KCNC2: variants seen among roughly 807,000 people sequenced by gnomAD.
KCNC2 encodes the protein voltage-gated potassium channel KCNC2.
A neutral mutation model predicts 44.5 loss-of-function variants in KCNC2; 21 were observed. The observed-to-expected ratio is 0.47, with a 90% CI of 0.33 to 0.68. The LOEUF (loss-of-function observed/expected upper bound fraction) is 0.68, where lower values mean the gene tolerates loss of function less well. Ranked by LOEUF, KCNC2 falls within the 30% of genes least tolerant of loss-of-function variation. KCNC2 has a pLI of 0.01. For missense variants in KCNC2, 589 were observed against 826.2 expected (o/e 0.71, Z 3.52); for synonymous variants, 391 against 339.1 (o/e 1.15, Z -1.68).
At chr12:75,201,836 G>A (rs2031305385) in intron 2 of KCNC2, among the ~76,000 whole-genome samples, 1 of 151,778 alleles carries the variant, frequency 6.6e-6, no homozygotes, top group Non-Finnish European at 1.5e-5. Flanking sequence ...TAAGTTTATG[G>A]AATATATTGA....
intron 2 of KCNC2, among the ~76,000 whole-genome samples, chr12:75,055,731 CTT>C (rs1204091623): frequency 2.0e-5 from 3 of 152,012 alleles, no homozygotes; most frequent in Non-Finnish European, 4.4e-5. Context: ...GGCCAGGACT[CTT>C]ATTTTTTTCC....
chr12:75,124,600 T>G (rs1228936295), intron 2 of KCNC2, among the ~76,000 whole-genome samples: 3 of 152,156 alleles, frequency 2.0e-5, no homozygotes, highest in African/African-American at 7.2e-5. Context: ...AAAGAAGGAT[T>G]AAGATATAAA....
At position 75,104,525 on chromosome 12, in the gene KCNC2, A is replaced by G. The variant is rs1000863976; in HGVS notation, c.688-53208T>C. 3.3e-5 allele frequency among the ~76,000 whole-genome samples: 5 copies of G among 152,088 alleles called. No homozygotes were observed. The South Asian group carries it at 6.2e-4, about 19-fold the overall frequency. ...TTCCTCCCAAAACAGTACCCAAGAG[A>G]AACAATATTAATGAGTATATTCAAA... On this transcript the variant is annotated intron_variant, in intron 2 of 4. Coordinates refer to ENST00000549446, the MANE Select transcript of KCNC2 (RefSeq NM_139137.4).
At chr12:75,084,473 A>G (rs546741493) in intron 2 of KCNC2, among the ~76,000 whole-genome samples, 2 of 151,986 alleles carry the variant, frequency 1.3e-5, no homozygotes, top group African/African-American at 2.4e-5. Flanking sequence ...TTCTGGTGCT[A>G]TTCTCGTGAT....
intron 2 of KCNC2, among the ~76,000 whole-genome samples, chr12:75,187,595 G>T (rs1469589031): frequency 6.6e-6 from 1 of 152,134 alleles, no homozygotes; most frequent in Non-Finnish European, 1.5e-5. Flanking sequence ...TATAGCGAAG[G>T]CCAAAGAGAG....
At chr12:75,085,549 G>A (rs1884928576) in intron 2 of KCNC2, among the ~76,000 whole-genome samples, 1 of 152,040 alleles carries the variant, frequency 6.6e-6, no homozygotes, top group Non-Finnish European at 1.5e-5. Flanking sequence ...TTAGGAAGCG[G>A]CAGAACCATG....
intron 2 of KCNC2, among the ~76,000 whole-genome samples, chr12:75,121,092 C>A (rs557204793): frequency 6.6e-6 from 1 of 152,160 alleles, no homozygotes; most frequent in African/African-American, 2.4e-5. Flanking sequence ...CCATTCCTAA[C>A]CCTTACAATG....
chr12:75,101,853 A>G lies in KCNC2; in HGVS notation c.688-50536T>C, dbSNP rs200393522. Among the ~76,000 whole-genome samples, 7 of 152,264 alleles carry G rather than the reference A, an allele frequency of 4.6e-5. No individual in the cohort carries two copies. In the East Asian group the frequency reaches 1.4e-3, roughly 29 times the overall value. On this transcript the variant is annotated intron_variant, in intron 2 of 4. Coordinates refer to ENST00000549446, the MANE Select transcript of KCNC2 (RefSeq NM_139137.4). ...ATTTAGCAAGCCTTGAAATTGCTAG[A>G]AAATGAGATTTCATTTAAGAGGAAA...
At chr12:75,189,842 C>CA (rs575159611) in intron 2 of KCNC2, among the ~76,000 whole-genome samples, 15 of 151,912 alleles carry the variant, frequency 9.9e-5, no homozygotes, top group Non-Finnish European at 2.1e-4. Context: ...AACTTATTGG[C>CA]AAAAAAGACA....
At chr12:75,082,881 T>C (rs1884636824) in intron 2 of KCNC2, among the ~76,000 whole-genome samples, 1 of 151,684 alleles carries the variant, frequency 6.6e-6, no homozygotes, top group African/African-American at 2.4e-5. Flanking sequence ...GAAATAAGTC[T>C]GTACAGATAG....
intron 2 of KCNC2, among the ~76,000 whole-genome samples, chr12:75,088,179 C>A (rs866980430): frequency 6.6e-6 from 1 of 151,966 alleles, no homozygotes; most frequent in Non-Finnish European, 1.5e-5. Context: ...AGGCAATGCA[C>A]AGAAGTATTT....
intron 2 of KCNC2, among the ~76,000 whole-genome samples, chr12:75,102,593 C>A (rs925562312): frequency 1.3e-5 from 2 of 152,034 alleles, no homozygotes; most frequent in African/African-American, 4.8e-5. Flanking sequence ...TGGCCAAAGG[C>A]AAGCAACATT....
At chr12:75,064,639 T>C (rs1412538836) in intron 2 of KCNC2, among the ~76,000 whole-genome samples, 1 of 152,036 alleles carries the variant, frequency 6.6e-6, no homozygotes, top group African/African-American at 2.4e-5. Flanking sequence ...ACTTAACTTT[T>C]GTTCTGAAAT....
chr12:75,138,747 G>A (rs547699862), intron 2 of KCNC2, among the ~76,000 whole-genome samples: 3 of 152,114 alleles, frequency 2.0e-5, no homozygotes, highest in East Asian at 1.9e-4. Flanking sequence ...GTGGGAGGCC[G>A]AGGCGGTCAG....
intron 2 of KCNC2, among the ~76,000 whole-genome samples, chr12:75,053,067 T>TC (rs984337157): frequency 6.6e-6 from 1 of 152,170 alleles, no homozygotes; most frequent in Non-Finnish European, 1.5e-5. Flanking sequence ...CAATCATTTG[T>TC]CGTAACACTT....
intron 2 of KCNC2, among the ~76,000 whole-genome samples, chr12:75,135,345 C>G (rs1179543642): frequency 6.6e-6 from 1 of 152,002 alleles, no homozygotes; most frequent in Admixed American, 6.6e-5. Flanking sequence ...TAATGTGTCT[C>G]TCTTTGCTAC....
At chr12:75,202,996 T>C (rs572361769) in intron 2 of KCNC2, among the ~76,000 whole-genome samples, 4 of 151,894 alleles carry the variant, frequency 2.6e-5, no homozygotes, top group African/African-American at 9.6e-5. Flanking sequence ...AGTGACTGTG[T>C]AATCAATATT....
intron 2 of KCNC2, among the ~76,000 whole-genome samples, chr12:75,164,120 G>C (rs929686037): frequency 6.6e-6 from 1 of 151,584 alleles, no homozygotes; most frequent in South Asian, 2.1e-4. Flanking sequence ...GTTTCAAGTT[G>C]GTCATTTGAG....
At chr12:75,156,401 G>A (rs1462258769) in intron 2 of KCNC2, among the ~76,000 whole-genome samples, 4 of 151,776 alleles carry the variant, frequency 2.6e-5, no homozygotes, top group African/African-American at 9.7e-5. Flanking sequence ...TTATTGGTTT[G>A]CAGTCACGCT....
Sources: allele counts gnomAD v4.1 joint callset (sites outside exome capture counted in the v4.1 genomes callset), GRCh38; gene constraint gnomAD v4.1.1; transcripts MANE v1.5; gene names NCBI Gene and HGNC (gene_info 2026-07-23, HGNC 2026-07-21).